Variants in PLAG1 observed in about 807,000 individuals in gnomAD.
The protein encoded by PLAG1 is zinc finger protein PLAG1.
PLAG1 carries 7 observed loss-of-function variants against 35.5 expected under a neutral mutation model. The ratio of observed to expected loss-of-function variants is 0.20; its 90% CI spans 0.11 to 0.37. The LOEUF (loss-of-function observed/expected upper bound fraction) is 0.37. Among genes scored for constraint, PLAG1 ranks in the 10% least tolerant of loss-of-function variants. The pLI, the probability that PLAG1 is intolerant of heterozygous loss-of-function variation, is 1.00. For missense variants in PLAG1, 454 were observed against 602.8 expected (o/e 0.75, Z 2.58); for synonymous variants, 229 against 225.4 (o/e 1.02, Z -0.14).
intron 1 of PLAG1, among the ~76,000 whole-genome samples, chr8:56,192,336 T>C (rs1305612129): frequency 1.3e-5 from 2 of 152,198 alleles, no homozygotes; most frequent in Non-Finnish European, 2.9e-5. Context: ...CATGAGGTCA[T>C]TCATTACTGC....
chr8:56,207,992 AT>A (rs1287985121), intron 1 of PLAG1, among the ~76,000 whole-genome samples: 1 of 152,130 alleles, frequency 6.6e-6, no homozygotes, highest in Admixed American at 6.5e-5. Context: ...CAGCACTTTT[AT>A]TTAGATTGAC....
At position 56,166,241 on chromosome 8, in the gene PLAG1, T is replaced by A. The variant is rs759676950; in HGVS notation, c.*2A>T. On this transcript the variant is annotated 3_prime_UTR_variant, in exon 5 of 5. Coordinates refer to ENST00000316981, the MANE Select transcript of PLAG1 (RefSeq NM_002655.3). ...TCTGTAATGAATCCATGTCCCAGAA[T>A]CCTACTGAAAAGCTTGATGGAAACG... 1.3e-6 allele frequency: 2 copies of A among 1,570,192 alleles called. No individual in the cohort carries two copies. The highest frequency in any genetic ancestry group is 1.7e-6 in the Non-Finnish European group (2 of 1,158,992).
intron 2 of PLAG1, among the ~76,000 whole-genome samples, chr8:56,172,164 C>T (rs1013171263): frequency 1.3e-5 from 2 of 152,112 alleles, no homozygotes; most frequent in Non-Finnish European, 2.9e-5. Flanking sequence ...AGATTCTTAA[C>T]ACAAATCTAA....
At chr8:56,197,360 T>C (rs1251620879) in intron 1 of PLAG1, among the ~76,000 whole-genome samples, 1 of 152,198 alleles carries the variant, frequency 6.6e-6, no homozygotes, top group Non-Finnish European at 1.5e-5. Flanking sequence ...CTCCACCTTC[T>C]GGATGTGTCA....
Position 56,166,161 on chromosome 8 carries a change from T to A in PLAG1, c.*82A>T, listed in dbSNP as rs1299685771. 1.0e-6 allele frequency: 1 copy of A among 998,650 alleles called. No homozygotes were observed. Among genetic ancestry groups the A allele is most frequent in the Non-Finnish European group, 1.5e-6 (1 of 677,138 alleles). 61.9% of individuals were successfully genotyped at this position (998,650 alleles called of 1,614,324 possible). ...CAAAAGCAGAAATTTTTATACTGTTTTAAAGTAGGCACTAAAATAAAAATG... is the reference window on the plus strand; with the variant it reads ...CAAAAGCAGAAATTTTTATACTGTTATAAAGTAGGCACTAAAATAAAAATG... On this transcript the variant is annotated 3_prime_UTR_variant, in exon 5 of 5. Coordinates refer to ENST00000316981, the MANE Select transcript of PLAG1 (RefSeq NM_002655.3).
chr8:56,163,501 A>G lies in PLAG1; in HGVS notation c.*2742T>C, dbSNP rs189066516. ...CTACAGTCAATTTTAAAAACAAATTAGCTGAATTCCCTCTTACTCTGAAGT... is the reference window on the plus strand; with the variant it reads ...CTACAGTCAATTTTAAAAACAAATTGGCTGAATTCCCTCTTACTCTGAAGT... On this transcript the variant is annotated 3_prime_UTR_variant, in exon 5 of 5. Coordinates refer to ENST00000316981, the MANE Select transcript of PLAG1 (RefSeq NM_002655.3). 1 of 199,890 alleles carries G rather than the reference A, an allele frequency of 5.0e-6. No individual in the cohort carries two copies. The highest frequency in any genetic ancestry group is 6.0e-5 in the Admixed American group (1 of 16,572). 12.4% of individuals were successfully genotyped at this position (199,890 alleles called of 1,614,324 possible).
intron 1 of PLAG1, among the ~76,000 whole-genome samples, chr8:56,184,158 C>T (rs1811950431): frequency 6.6e-6 from 1 of 152,088 alleles, no homozygotes; most frequent in African/African-American, 2.4e-5. Context: ...AAAAACAACT[C>T]AATTAACAAA....
rs1270092011 is a variant in PLAG1, at chr8:56,167,329, G to A, written c.417C>T (p.His139=). 9 of 1,613,920 alleles carry A rather than the reference G, an allele frequency of 5.6e-6. No individual in the cohort carries two copies. Among genetic ancestry groups the A allele is most frequent in the Non-Finnish European group, 7.6e-6 (9 of 1,179,998 alleles). Residue 139 remains histidine, a synonymous_variant, in exon 5 of 5, where the codon CAC becomes CAT. Coordinates refer to ENST00000316981, the MANE Select transcript of PLAG1 (RefSeq NM_002655.3). The surrounding 1 kb of genome is among the most constrained non-coding windows in gnomAD (Gnocchi z 5.9). ...CACTTGTTGCGGCATGCAAGGCCAA[G>A]TGACGTTTAAATCCAAGCTTGGTAT... ...NYNTKLGFKR[H]LALHAATSGD... is the part of the protein sequence containing the mutation.
intron 1 of PLAG1, among the ~76,000 whole-genome samples, chr8:56,197,844 G>A (rs1812429730): frequency 6.6e-6 from 1 of 152,190 alleles, no homozygotes; most frequent in Admixed American, 6.5e-5. Context: ...AGGTCTGTCT[G>A]TACTTGTTGC....
Position 56,166,156 on chromosome 8 carries a change from C to A in PLAG1, c.*87G>T, listed in dbSNP as rs892730014. ...TTATACAAAAGCAGAAATTTTTATA[C>A]TGTTTTAAAGTAGGCACTAAAATAA... On this transcript the variant is annotated 3_prime_UTR_variant, in exon 5 of 5. Coordinates refer to ENST00000316981, the MANE Select transcript of PLAG1 (RefSeq NM_002655.3). 5.6e-6 allele frequency: 5 copies of A among 891,880 alleles called. No individual in the cohort carries two copies. Among genetic ancestry groups the A allele is most frequent in the Non-Finnish European group, 8.3e-6 (5 of 601,060 alleles). 55.2% of individuals were successfully genotyped at this position (891,880 alleles called of 1,614,324 possible).
chr8:56,164,204 A>G lies in PLAG1; in HGVS notation c.*2039T>C, dbSNP rs919664932. ...ATTTTTCATAATAAAATTTAAATAC[A>G]TAAGTATAAAAACTACTGCTCCAAG... On this transcript the variant is annotated 3_prime_UTR_variant, in exon 5 of 5. Transcript: ENST00000316981. 2.6e-5 allele frequency: 5 copies of G among 194,742 alleles called. No individual in the cohort carries two copies. The highest frequency in any genetic ancestry group is 3.9e-4 in the South Asian group (2 of 5,194). The allele number at this position is 194,742 out of a possible 1,614,324, so 12.1% of individuals were successfully genotyped here. A position where few individuals can be genotyped will look rare whatever the true frequency, so the allele number is the denominator to read the frequency against.
intron 2 of PLAG1, among the ~76,000 whole-genome samples, chr8:56,177,595 C>G (rs1018660693): frequency 6.6e-6 from 1 of 152,178 alleles, no homozygotes; most frequent in South Asian, 2.1e-4. Context: ...TCTCCCCCAG[C>G]GACAGTAAAT....
At chr8:56,195,048 T>C (rs190503137) in intron 1 of PLAG1, among the ~76,000 whole-genome samples, 66 of 152,256 alleles carry the variant, frequency 4.3e-4, no homozygotes, top group African/African-American at 1.5e-3. Context: ...TCAATTTTCT[T>C]AGTGAACTTG....
rs1364284707 is a variant in PLAG1 at position 56,164,624 on chromosome 8, G to A, written c.*1619C>T. On this transcript the variant is annotated 3_prime_UTR_variant, in exon 5 of 5. Transcript: ENST00000316981. Reference sequence around the variant, plus strand: ...TCCCACCCTTGCCCCCATCCCCAACGGAAAGGGTCCTAAAATAAGGTGTTA... The same window carrying A: ...TCCCACCCTTGCCCCCATCCCCAACAGAAAGGGTCCTAAAATAAGGTGTTA... 4.1e-5 allele frequency: 9 copies of A among 221,442 alleles called. No individual in the cohort carries two copies. The highest frequency in any genetic ancestry group is 1.9e-4 in the South Asian group (1 of 5,404). 13.7% of individuals were successfully genotyped at this position (221,442 alleles called of 1,614,324 possible).
Position 56,165,274 on chromosome 8 carries a change from G to A in PLAG1, c.*969C>T. 1 of 213,966 alleles carries A rather than the reference G, an allele frequency of 4.7e-6. No homozygotes were observed. The highest frequency in any genetic ancestry group is 9.4e-6 in the Non-Finnish European group (1 of 105,844). The allele number at this position is 213,966 out of a possible 1,614,324, so 13.3% of individuals were successfully genotyped here. On this transcript the variant is annotated 3_prime_UTR_variant, in exon 5 of 5. Coordinates refer to ENST00000316981, the MANE Select transcript of PLAG1 (RefSeq NM_002655.3). ...GAAGTCTGTCACCCACAGAGGCTGAGTCAATCCACTGTGGGATAAACACAC... is the reference window on the plus strand; with the variant it reads ...GAAGTCTGTCACCCACAGAGGCTGAATCAATCCACTGTGGGATAAACACAC...
At chr8:56,206,996 T>C (rs2129236046) in intron 1 of PLAG1, among the ~76,000 whole-genome samples, 1 of 152,126 alleles carries the variant, frequency 6.6e-6, no homozygotes, top group East Asian at 1.9e-4. Context: ...TATTTATTTC[T>C]TATACACTTG....
chr8:56,195,565 T>C (rs1458117689), intron 1 of PLAG1, among the ~76,000 whole-genome samples: 1 of 151,754 alleles, frequency 6.6e-6, no homozygotes, highest in Non-Finnish European at 1.5e-5. Context: ...TGGGGTAGGG[T>C]GGTGGTGGAG....
intron 1 of PLAG1, among the ~76,000 whole-genome samples, chr8:56,196,500 G>A (rs971670089): frequency 6.6e-6 from 1 of 152,144 alleles, no homozygotes; most frequent in African/African-American, 2.4e-5. Context: ...GAAGAGTTCA[G>A]GTACTTTCAG....
chr8:56,200,309 G>A (rs922105986), intron 1 of PLAG1, among the ~76,000 whole-genome samples: 7 of 152,180 alleles, frequency 4.6e-5, no homozygotes, highest in African/African-American at 1.7e-4. Flanking sequence ...TATAGAAAAA[G>A]GTGGTTCCAT....
Sources: allele counts gnomAD v4.1 joint callset (sites outside exome capture counted in the v4.1 genomes callset), GRCh38; gene constraint gnomAD v4.1.1; non-coding constraint Gnocchi (gnomAD v3.1); transcripts MANE v1.5; gene names NCBI Gene and HGNC (gene_info 2026-07-23, HGNC 2026-07-21).